Variants in UBP1 observed in about 807,000 individuals in gnomAD.
UBP1 encodes the protein upstream-binding protein 1.
In UBP1, 22 loss-of-function variants were observed where a neutral mutation model predicts 76.1. The observed-to-expected ratio is 0.29, with a 90% CI of 0.21 to 0.41. The LOEUF (loss-of-function observed/expected upper bound fraction) is 0.41, where lower values mean the gene tolerates loss of function less well. UBP1 is among the 10% of genes least tolerant of loss of function. The pLI is 1.00. For missense variants in UBP1, 436 were observed against 668.1 expected (o/e 0.65, Z 3.83); for synonymous variants, 224 against 237.1 (o/e 0.94, Z 0.51).
At chr3:33,419,356 G>A (rs1432841064) in intron 2 of UBP1, among the ~76,000 whole-genome samples, 3 of 152,084 alleles carry the variant, frequency 2.0e-5, no homozygotes, top group Non-Finnish European at 4.4e-5. Flanking sequence ...TAGGCTGGGC[G>A]CAGTGGCTCA....
intron 1 of UBP1, among the ~76,000 whole-genome samples, chr3:33,426,450 A>G (rs964153935): frequency 6.6e-6 from 1 of 152,164 alleles, no homozygotes; most frequent in Non-Finnish European, 1.5e-5. Context: ...TATAATTTAC[A>G]TATCATAAAG....
chr3:33,394,419 GC>G (rs2043887523), intron 13 of UBP1, among the ~76,000 whole-genome samples: 1 of 151,916 alleles, frequency 6.6e-6, no homozygotes, highest in Admixed American at 6.6e-5. Flanking sequence ...ATCTGTATAT[GC>G]CCCTCCCCCA....
At chr3:33,434,385 G>C (rs139373034) in intron 1 of UBP1, among the ~76,000 whole-genome samples, 1 of 129,784 alleles carries the variant, frequency 7.7e-6, no homozygotes, top group African/African-American at 2.9e-5. Context: ...TGTAACCTCC[G>C]CCTCCCGGGC....
At chr3:33,423,873 T>G (rs1303429948) in intron 2 of UBP1, among the ~76,000 whole-genome samples, 2 of 152,234 alleles carry the variant, frequency 1.3e-5, no homozygotes, top group African/African-American at 4.8e-5. Context: ...CTACTACAGA[T>G]GGTGGATTAT....
At position 33,390,232 on chromosome 3, in the gene UBP1, A is replaced by G. The variant is rs1410794536; in HGVS notation, c.*99T>C. 6 of 1,223,288 alleles carry G rather than the reference A, an allele frequency of 4.9e-6. No homozygotes were observed. The highest frequency in any genetic ancestry group is 4.5e-5 in the African/African-American group (3 of 66,032). The allele number at this position is 1,223,288 out of a possible 1,614,324, so 75.8% of individuals were successfully genotyped here. On this transcript the variant is annotated 3_prime_UTR_variant, in exon 16 of 16. Coordinates refer to ENST00000283629, the MANE Select transcript of UBP1 (RefSeq NM_014517.5). Reference sequence around the variant, plus strand: ...TTGTGTTTTCAATATGAAACATTTCATATGGTAAAATCCAATCCCAAGACT... The same window carrying G: ...TTGTGTTTTCAATATGAAACATTTCGTATGGTAAAATCCAATCCCAAGACT...
chr3:33,413,460 T>C (rs2044644413), intron 3 of UBP1, among the ~76,000 whole-genome samples: 1 of 143,946 alleles, frequency 6.9e-6, no homozygotes, highest in Admixed American at 7.5e-5. Context: ...GGCAGAAGAA[T>C]GGTGTGAACC....
intron 9 of UBP1, among the ~76,000 whole-genome samples, chr3:33,402,502 C>T (rs749414392): frequency 6.6e-6 from 1 of 152,188 alleles, no homozygotes; most frequent in African/African-American, 2.4e-5. Flanking sequence ...CCTATAGACA[C>T]TGTTAATGTT....
intron 15 of UBP1, 57 bp downstream of exon 15, chr3:33,392,506 G>C (rs2043808550): frequency 6.8e-7 from 1 of 1,462,648 alleles, no homozygotes; most frequent in African/African-American, 1.4e-5. Context: ...ACTAATTAGA[G>C]GCACACACCA....
intron 12 of UBP1, 76 bp from the exon 13 acceptor site, chr3:33,396,356 G>T: frequency 3.7e-6 from 4 of 1,077,040 alleles, no homozygotes; most frequent in Middle Eastern, 2.1e-4. Context: ...ACAACTACAG[G>T]AATCTAAGTT....
At chr3:33,408,015 T>C (rs532646316) in intron 8 of UBP1, among the ~76,000 whole-genome samples, 14 of 152,300 alleles carry the variant, frequency 9.2e-5, no homozygotes, top group East Asian at 7.7e-4. Context: ...CCTGACTGCA[T>C]ATTGGGGGCG....
intron 2 of UBP1, among the ~76,000 whole-genome samples, chr3:33,417,080 A>C (rs1559684665): frequency 6.6e-6 from 1 of 152,154 alleles, no homozygotes; most frequent in Non-Finnish European, 1.5e-5. Context: ...TCTTACACTA[A>C]ACTTTTATTA....
At chr3:33,439,708 G>A (rs1476106906) in intron 1 of UBP1, 28 bp downstream of exon 1, 2 of 1,606,974 alleles carry the variant, frequency 1.2e-6, no homozygotes, top group African/African-American at 1.3e-5. Flanking sequence ...GGAGACAGAG[G>A]CTTCTCCCCG....
intron 1 of UBP1, among the ~76,000 whole-genome samples, chr3:33,435,351 T>C (rs746020267): frequency 1.3e-5 from 2 of 152,216 alleles, no homozygotes; most frequent in African/African-American, 4.8e-5. Flanking sequence ...AATCCTAAAA[T>C]TGTTCTACAC....
upstream of UBP1, chr3:33,441,365 C>T (rs567785039): frequency 6.6e-6 from 1 of 152,306 alleles, no homozygotes; most frequent in Non-Finnish European, 1.5e-5. Context: ...GGGCTTCGCC[C>T]TGCATCGAAC....
intron 5 of UBP1, among the ~76,000 whole-genome samples, chr3:33,410,475 C>T (rs939663504): frequency 2.6e-5 from 4 of 152,134 alleles, no homozygotes; most frequent in Non-Finnish European, 5.9e-5. Flanking sequence ...AAACCATGCC[C>T]CCAGGGATTA....
chr3:33,408,604 GC>G, intron 8 of UBP1, 85 bp downstream of exon 8: 3 of 1,072,236 alleles, frequency 2.8e-6, no homozygotes, highest in Non-Finnish European at 3.9e-6. Flanking sequence ...AACAATTTTG[GC>G]TTTACTTTGC....
intron 1 of UBP1, among the ~76,000 whole-genome samples, chr3:33,437,354 C>A (rs1017320878): frequency 6.6e-6 from 1 of 152,128 alleles, no homozygotes; most frequent in Non-Finnish European, 1.5e-5. Context: ...CACCCCTGAA[C>A]CTCTGGGCTC....
intron 9 of UBP1, 91 bp downstream of exon 9, chr3:33,402,710 A>C: frequency 1.0e-6 from 1 of 954,494 alleles, no homozygotes; most frequent in Non-Finnish European, 1.5e-6. Context: ...GGTACAATAC[A>C]AACAAAAGGC....
intron 8 of UBP1, among the ~76,000 whole-genome samples, chr3:33,407,407 T>TC (rs901216588): frequency 6.6e-6 from 1 of 151,490 alleles, no homozygotes; most frequent in Non-Finnish European, 1.5e-5. Flanking sequence ...GTTGCCAGAA[T>TC]CCCCCCCAAA....
Sources: allele counts gnomAD v4.1 joint callset (sites outside exome capture counted in the v4.1 genomes callset), GRCh38; gene constraint gnomAD v4.1.1; transcripts MANE v1.5; gene names NCBI Gene and HGNC (gene_info 2026-07-23, HGNC 2026-07-21).